The following TRPM3 variants were observed in gnomAD, a reference collection of about 807,000 sequenced individuals.
The protein encoded by TRPM3 is transient receptor potential cation channel subfamily M member 3, also known as long transient receptor potential channel 3.
TRPM3 carries 77 observed loss-of-function variants against 181.2 expected under a neutral mutation model. That is an observed-to-expected ratio of 0.42 (90% CI 0.35 to 0.51). TRPM3 has a LOEUF of 0.51. Among genes scored for constraint, TRPM3 ranks in the 20% least tolerant of loss-of-function variants. The probability of loss-of-function intolerance (pLI) is 0.01; values close to 1 mark genes in which losing one functional copy is unlikely to be tolerated. For missense variants in TRPM3, 1,759 were observed against 2,196.7 expected, an observed-to-expected ratio of 0.80 and a Z score of 3.98; for synonymous variants, 745 against 796.4, an observed-to-expected ratio of 0.94 and a Z score of 1.09.
At chr9:71,173,812 A>G (rs972394118) in intron 1 of TRPM3, among the ~76,000 whole-genome samples, 1 of 152,242 alleles carries the variant, frequency 6.6e-6, no homozygotes, top group Admixed American at 6.5e-5. Flanking sequence ...ACCTAGGAAC[A>G]CCAATTTATT....
At position 70,961,090 on chromosome 9, in the gene TRPM3, G is replaced by A. The variant is rs117384989; in HGVS notation, c.178-96579C>T. Among the ~76,000 whole-genome samples, 726 of 152,262 alleles carry A rather than the reference G, an allele frequency of 4.8e-3. 4 individuals carry two copies. Among genetic ancestry groups the A allele is most frequent in the Non-Finnish European group, 7.4e-3 (500 of 68,002 alleles). On this transcript the variant is annotated intron_variant, in intron 1 of 25. Coordinates refer to ENST00000677713, the MANE Select transcript of TRPM3 (RefSeq NM_001366145.2). ...AATTACAACATAAGGAGAAGATCCT[G>A]GTGGGCCCAGTGTAATCACAAAGGT...
intron 1 of TRPM3, among the ~76,000 whole-genome samples, chr9:71,318,149 T>A (rs1484847755): frequency 1.3e-5 from 2 of 152,156 alleles, no homozygotes; most frequent in African/African-American, 4.8e-5. Context: ...TATCTATTAA[T>A]ACAGAGTTTG....
At chr9:70,964,775 T>C (rs1220958194) in intron 1 of TRPM3, among the ~76,000 whole-genome samples, 1 of 152,134 alleles carries the variant, frequency 6.6e-6, no homozygotes, top group African/African-American at 2.4e-5. Flanking sequence ...TTCCAAAGAT[T>C]CTGCTTAGGT....
intron 7 of TRPM3, among the ~76,000 whole-genome samples, chr9:70,776,660 G>A (rs2081423549): frequency 6.6e-6 from 1 of 152,104 alleles, no homozygotes; most frequent in South Asian, 2.1e-4. Context: ...ATAGACGTTT[G>A]GAACAAAGTA....
intron 1 of TRPM3, among the ~76,000 whole-genome samples, chr9:71,270,326 G>C (rs1269842604): frequency 6.6e-6 from 1 of 152,140 alleles, no homozygotes; most frequent in African/African-American, 2.4e-5. Context: ...CTCTAGCCTG[G>C]GCGACAAGAG....
At chr9:70,634,310 A>G (rs900336022) in intron 12 of TRPM3, among the ~76,000 whole-genome samples, 2 of 152,134 alleles carry the variant, frequency 1.3e-5, no homozygotes, top group Non-Finnish European at 2.9e-5. Flanking sequence ...GGGTTTCACC[A>G]TGTTAACCAG....
chr9:71,317,654 A>G (rs969084749), intron 1 of TRPM3, among the ~76,000 whole-genome samples: 1 of 141,458 alleles, frequency 7.1e-6, no homozygotes, highest in South Asian at 2.3e-4. Flanking sequence ...AAAAAAAAAA[A>G]GAAAAAGAAA....
At chr9:71,283,643 T>A (rs907082615) in intron 1 of TRPM3, among the ~76,000 whole-genome samples, 1 of 152,212 alleles carries the variant, frequency 6.6e-6, no homozygotes, top group Non-Finnish European at 1.5e-5. Flanking sequence ...ATTGTATTTA[T>A]ATACCACGTT....
chr9:71,200,944 A>C (rs1473227756), intron 1 of TRPM3, among the ~76,000 whole-genome samples: 1 of 151,646 alleles, frequency 6.6e-6, no homozygotes, highest in Admixed American at 6.6e-5. Context: ...TTTGCTCGTT[A>C]GTTGATGCAG....
At chr9:71,134,992 CA>C (rs2134493361) in intron 1 of TRPM3, among the ~76,000 whole-genome samples, 1 of 152,264 alleles carries the variant, frequency 6.6e-6, no homozygotes, top group East Asian at 1.9e-4. Context: ...AAGTCAATGA[CA>C]GGAACTCTTA....
At chr9:71,175,743 T>C (rs1382744500) in intron 1 of TRPM3, among the ~76,000 whole-genome samples, 2 of 152,156 alleles carry the variant, frequency 1.3e-5, no homozygotes, top group Admixed American at 6.5e-5. Context: ...AGGACATGGA[T>C]AGATTAGGCA....
chr9:70,815,677 T>C (rs948792166), intron 6 of TRPM3, among the ~76,000 whole-genome samples: 1 of 152,258 alleles, frequency 6.6e-6, no homozygotes, highest in Non-Finnish European at 1.5e-5. Flanking sequence ...AATATTTTTC[T>C]TTTTGATTTG....
intron 1 of TRPM3, among the ~76,000 whole-genome samples, chr9:71,160,226 T>C (rs940635460): frequency 4.6e-5 from 7 of 152,152 alleles, no homozygotes; most frequent in African/African-American, 1.7e-4. Flanking sequence ...AAATATCACT[T>C]CAATTCTCAA....
In TRPM3 at chr9:70,536,259, T is replaced by C. The variant is rs749894482; in HGVS notation, c.4854A>G (p.Arg1618=). The C allele has an allele frequency of 9.9e-6, 16 of 1,614,098 alleles. 2 individuals carry two copies. In the South Asian group the frequency reaches 1.8e-4, roughly 18 times the overall value. ...CCTGGGAGGATATTGCAATGGTGGC[T>C]CTGCGGCCTTTGGCCTCATTCTCCT... The part of the protein sequence containing the change: ...DSEENEAKGR[R]ATIAISSQEG... Residue 1618 remains arginine, a synonymous_variant, in exon 26 of 26, where the codon AGA becomes AGG. Coordinates refer to ENST00000677713, the MANE Select transcript of TRPM3 (RefSeq NM_001366145.2).
intron 1 of TRPM3, among the ~76,000 whole-genome samples, chr9:71,260,262 C>T (rs909174742): frequency 2.0e-5 from 3 of 152,064 alleles, no homozygotes; most frequent in African/African-American, 4.8e-5. Context: ...GTACTAGTAC[C>T]ATGCTGTTTT....
At chr9:71,356,027 C>T (rs115450834) in intron 1 of TRPM3, among the ~76,000 whole-genome samples, 2,094 of 152,194 alleles carry the variant, frequency 0.014, 38 homozygotes, top group African/African-American at 0.046. Context: ...GGCTTCAATG[C>T]GTTCTCATTC....
intron 22 of TRPM3, among the ~76,000 whole-genome samples, chr9:70,562,022 G>A (rs539574974): frequency 6.6e-5 from 10 of 152,280 alleles, no homozygotes; most frequent in Admixed American, 2.6e-4. Context: ...ACAATGTAGC[G>A]TTTTTCATTC....
At chr9:70,841,433 G>A (rs1345007305) in intron 5 of TRPM3, among the ~76,000 whole-genome samples, 1 of 151,080 alleles carries the variant, frequency 6.6e-6, no homozygotes, top group African/African-American at 2.4e-5. Context: ...TCATTGATGT[G>A]GACACTTGTT....
rs540531910 is a variant in TRPM3, at chr9:71,420,732, A to G, written c.183+25921T>C. Among the ~76,000 whole-genome samples the G allele has an allele frequency of 1.5e-4, 6 of 39,162 alleles. No individual in the cohort carries two copies. The South Asian group carries it at 5.9e-3, about 38-fold the overall frequency. 25.7% of individuals were successfully genotyped at this position (39,162 alleles called of 152,430 possible). ...GAAAGAAAGAGAGAAAGAGAGAGAG[A>G]GAGAAAGAGAGAGAAAGAGAGAGAA... is the stretch of plus-strand genomic sequence containing the variant. On this transcript the variant is annotated intron_variant, in intron 1 of 24. Transcript: ENST00000357533.
Sources: gnomAD v4.1 joint callset for allele counts (sites outside exome capture counted in the v4.1 genomes callset) on GRCh38, gnomAD v4.1.1 for gene constraint, MANE v1.5 for transcripts, NCBI Gene and HGNC (gene_info 2026-07-23, HGNC 2026-07-21) for gene names.